DSCAM: variants seen among roughly 807,000 people sequenced by gnomAD.
DSCAM encodes cell adhesion molecule DSCAM.
Under a neutral mutation model 217.7 loss-of-function variants are expected in DSCAM, and 47 were observed. The ratio of observed to expected loss-of-function variants is 0.22; its 90% CI spans 0.17 to 0.28. The LOEUF is 0.28. Ranked by LOEUF, DSCAM falls within the 10% of genes least tolerant of loss-of-function variation. DSCAM has a pLI of 1.00. For synonymous variants in DSCAM, 1,056 were observed against 1,015.3 expected (o/e 1.04, Z -0.76); for missense variants, 2,080 against 2,618.3 (o/e 0.79, Z 4.49).
intron 11 of DSCAM, among the ~76,000 whole-genome samples, chr21:40,272,565 T>C (rs187907856): frequency 1.2e-4 from 18 of 152,276 alleles, no homozygotes; most frequent in Admixed American, 2.6e-4. Flanking sequence ...GTAAGAAAAT[T>C]TCCCATATAG....
At chr21:40,089,100 C>T (rs372886826) in intron 21 of DSCAM, among the ~76,000 whole-genome samples, 13 of 146,002 alleles carry the variant, frequency 8.9e-5, no homozygotes, top group Admixed American at 4.8e-4. Flanking sequence ...TTTCCATTAG[C>T]AATTTAAAAA....
chr21:40,226,866 C>T (rs974891976), intron 11 of DSCAM, among the ~76,000 whole-genome samples: 2 of 151,954 alleles, frequency 1.3e-5, no homozygotes, highest in African/African-American at 2.4e-5. Flanking sequence ...GCCTAGTACC[C>T]GTTAGTTACT....
intron 1 of DSCAM, among the ~76,000 whole-genome samples, chr21:40,840,036 A>G (rs528423297): frequency 6.6e-6 from 1 of 152,368 alleles, no homozygotes; most frequent in African/African-American, 2.4e-5. Flanking sequence ...TTAAAAAATC[A>G]GCGTTGATCA....
chr21:40,435,981 C>T (rs1259716906), intron 3 of DSCAM, among the ~76,000 whole-genome samples: 1 of 152,212 alleles, frequency 6.6e-6, no homozygotes. Context: ...ACATTCAACA[C>T]ATTTTACAAG....
At chr21:40,679,666 T>A (rs1010708351) in intron 3 of DSCAM, among the ~76,000 whole-genome samples, 6 of 152,242 alleles carry the variant, frequency 3.9e-5, no homozygotes, top group African/African-American at 1.4e-4. Flanking sequence ...TAAGGCAAAA[T>A]ATAAGATCCT....
chr21:40,478,923 A>C (rs1457619086), intron 3 of DSCAM, among the ~76,000 whole-genome samples: 1 of 152,236 alleles, frequency 6.6e-6, no homozygotes, highest in African/African-American at 2.4e-5. Flanking sequence ...TTAAAACAAT[A>C]TACTGTATTC....
intron 3 of DSCAM, among the ~76,000 whole-genome samples, chr21:40,411,975 G>A (rs1419603227): frequency 5.3e-5 from 8 of 152,130 alleles, no homozygotes; most frequent in African/African-American, 7.2e-5. Context: ...TGGGTCTTTC[G>A]CTTTCCTGTT....
intron 9 of DSCAM, among the ~76,000 whole-genome samples, chr21:40,304,884 A>G (rs1418769284): frequency 6.6e-6 from 1 of 152,194 alleles, no homozygotes; most frequent in Non-Finnish European, 1.5e-5. Context: ...GTAACATTAT[A>G]ATAGTAACAC....
At chr21:40,786,253 AGAAG>A (rs60891197) in intron 1 of DSCAM, among the ~76,000 whole-genome samples, 64,064 of 148,988 alleles carry the variant, frequency 0.43, 15,333 homozygotes, top group South Asian at 0.63. Context: ...AAACAAAGAA[AGAAG>A]GAAGGAAGGA....
chr21:40,124,542 T>G (rs1254138908), intron 19 of DSCAM, among the ~76,000 whole-genome samples: 1 of 152,028 alleles, frequency 6.6e-6, no homozygotes, highest in African/African-American at 2.4e-5. Context: ...TTTACAGAGG[T>G]AATCAAGTTA....
chr21:40,082,021 T>C (rs1265911472), intron 24 of DSCAM, among the ~76,000 whole-genome samples: 1 of 152,160 alleles, frequency 6.6e-6, no homozygotes, highest in Non-Finnish European at 1.5e-5. Flanking sequence ...TTTTTTCCTA[T>C]AAGAAGGTTC....
intron 6 of DSCAM, 109 bp from the exon 7 acceptor site, chr21:40,339,524 A>G (rs2074466125): frequency 8.7e-7 from 1 of 1,144,958 alleles, no homozygotes; most frequent in African/African-American, 1.6e-5. Flanking sequence ...GTTAAACATT[A>G]CCAAAAAGGT....
At chr21:40,792,953 A>G (rs8134161) in intron 1 of DSCAM, among the ~76,000 whole-genome samples, 87,525 of 151,592 alleles carry the variant, frequency 0.58, 26,760 homozygotes, top group East Asian at 0.78. Context: ...GATTCTGGGG[A>G]GGAGGGGAGC....
At chr21:40,047,420 T>C (rs2088859076) in intron 30 of DSCAM, among the ~76,000 whole-genome samples, 1 of 152,154 alleles carries the variant, frequency 6.6e-6, no homozygotes, top group Non-Finnish European at 1.5e-5. Context: ...TAAAACTCGG[T>C]GATTAAGCTT....
intron 11 of DSCAM, among the ~76,000 whole-genome samples, chr21:40,267,003 T>C (rs2073546819): frequency 8.4e-6 from 1 of 118,780 alleles, no homozygotes; most frequent in Non-Finnish European, 1.6e-5. Context: ...CAGAGTGCTA[T>C]AACGGACTCG....
intron 19 of DSCAM, among the ~76,000 whole-genome samples, chr21:40,131,189 T>C (rs574690530): frequency 6.6e-6 from 1 of 152,360 alleles, no homozygotes; most frequent in South Asian, 2.1e-4. Context: ...CGATCTGTAA[T>C]CAATTTGACT....
At chr21:40,406,643 T>A (rs895773631) in intron 3 of DSCAM, among the ~76,000 whole-genome samples, 1 of 152,170 alleles carries the variant, frequency 6.6e-6, no homozygotes, top group South Asian at 2.1e-4. Flanking sequence ...CAGGCTGGAG[T>A]GCAGTGGCAC....
At chr21:40,724,486 G>C (rs79566442) in intron 1 of DSCAM, among the ~76,000 whole-genome samples, 4,204 of 152,254 alleles carry the variant, frequency 0.028, 100 homozygotes, top group Middle Eastern at 0.044. Context: ...GAGGCAAAGA[G>C]TTGGAGAGAG....
intron 3 of DSCAM, among the ~76,000 whole-genome samples, chr21:40,638,721 G>A (rs746476916): frequency 3.9e-5 from 6 of 151,992 alleles, no homozygotes; most frequent in Admixed American, 1.3e-4. Flanking sequence ...AAAAATGAGC[G>A]GTAATTACAC....
Sources: gnomAD v4.1 joint callset for allele counts (sites outside exome capture counted in the v4.1 genomes callset) on GRCh38, gnomAD v4.1.1 for gene constraint, MANE v1.5 for transcripts, NCBI Gene and HGNC (gene_info 2026-07-23, HGNC 2026-07-21) for gene names.